ZNF7: variants seen among roughly 807,000 people sequenced by gnomAD.
ZNF7 encodes the protein C2-H2 type zinc finger protein.
Under a neutral mutation model 12.0 loss-of-function variants are expected in ZNF7, and 10 were observed. The ratio of observed to expected loss-of-function variants is 0.83; its 90% CI spans 0.51 to 1.42. The LOEUF (loss-of-function observed/expected upper bound fraction) is 1.42. ZNF7 is among the 40% of genes most tolerant of loss of function. ZNF7 has a pLI of 0.00. For missense variants in ZNF7, 854 were observed against 837.2 expected (o/e 1.02, Z -0.25); for synonymous variants, 334 against 295.0 (o/e 1.13, Z -1.35).
chr8:144,841,261 C>G lies in ZNF7; in HGVS notation c.248-94C>G, dbSNP rs947624527. On this transcript the variant is annotated intron_variant, in intron 4 of 4. Coordinates refer to ENST00000532777, the MANE Select transcript of ZNF7 (RefSeq NM_003416.4). ...GCCTCACAGTGCTCAGTGCAACTAT[C>G]CTGGGAGCCTTGAGCCCTGGCCCCC... 3.8e-6 allele frequency: 5 copies of G among 1,310,920 alleles called. No individual in the cohort carries two copies. In the African/African-American group the frequency reaches 7.3e-5, roughly 19 times the overall value. 81.2% of individuals were successfully genotyped at this position (1,310,920 alleles called of 1,614,324 possible).
chr8:144,832,930 TCA>T (rs1207986936), intron 3 of ZNF7, among the ~76,000 whole-genome samples: 2 of 152,068 alleles, frequency 1.3e-5, no homozygotes, highest in Non-Finnish European at 2.9e-5. Context: ...GCTCGGTGGC[TCA>T]CACCTGTAAT....
chr8:144,837,588 G>A, intron 4 of ZNF7, 81 bp downstream of exon 4: 1 of 1,094,788 alleles, frequency 9.1e-7, no homozygotes, highest in Non-Finnish European at 1.3e-6. Flanking sequence ...GGGTAGCTGT[G>A]GGTGAGTCGC....
At position 144,837,246 on chromosome 8, in the gene ZNF7, C is replaced by T. The variant is rs1586810547; in HGVS notation, c.131-145C>T. 20 of 612,152 alleles carry T rather than the reference C, an allele frequency of 3.3e-5. No homozygotes were observed. The East Asian group carries it at 4.1e-4, about 13-fold the overall frequency. 37.9% of individuals were successfully genotyped at this position (612,152 alleles called of 1,614,324 possible). ...CTGCTGTGTCCCCAGATTCTCCCCA[C>T]CCTCCACCCACTCTCCCTGCAGGAG... On this transcript the variant is annotated intron_variant, in intron 3 of 4. Coordinates refer to ENST00000532777, the MANE Select transcript of ZNF7 (RefSeq NM_003416.4).
downstream of ZNF7, chr8:144,846,408 TTGAC>T (rs1230675093): frequency 9.7e-6 from 5 of 513,162 alleles, no homozygotes; most frequent in African/African-American, 1.9e-5. Flanking sequence ...AAAATCGAAT[TTGAC>T]TGTGCACAGT....
chr8:144,838,862 AGCCC>A, intron 4 of ZNF7: 5 of 36,216 alleles, frequency 1.4e-4, no homozygotes, highest in Non-Finnish European at 4.1e-4. Context: ...GAATGGTGTG[AGCCC>A]AGGAGGCAGA....
At chr8:144,833,685 CTTTG>C (rs1828697157) in intron 3 of ZNF7, 2 of 151,512 alleles carry the variant, frequency 1.3e-5, no homozygotes, top group South Asian at 2.1e-4. Context: ...GCCAGTTTGG[CTTTG>C]TTTTTTATTT....
chr8:144,837,865 C>T (rs1442471139), intron 4 of ZNF7: 4 of 544,098 alleles, frequency 7.4e-6, no homozygotes, highest in Non-Finnish European at 1.3e-5. Context: ...CATTCAGTAA[C>T]CTCTCCTCGG....
At position 144,829,099 on chromosome 8, in the gene ZNF7, C is replaced by T; in HGVS notation, c.3+9C>T. The T allele has an allele frequency of 6.2e-7, 1 of 1,614,004 alleles. No homozygotes were observed. Among genetic ancestry groups the T allele is most frequent in the Non-Finnish European group, 8.5e-7 (1 of 1,179,954 alleles). On this transcript the variant is annotated intron_variant, in intron 2 of 4. Transcript: ENST00000532777. ...CACCACTGAGCCTCATGGTAGGAAGCTTGACTGCCTCCTTCCCCTCGCATG... is the reference window on the plus strand; with the variant it reads ...CACCACTGAGCCTCATGGTAGGAAGTTTGACTGCCTCCTTCCCCTCGCATG...
intron 4 of ZNF7, among the ~76,000 whole-genome samples, chr8:144,840,674 C>T (rs1329264182): frequency 6.6e-6 from 1 of 152,126 alleles, no homozygotes; most frequent in Non-Finnish European, 1.5e-5. Context: ...CTCCTGGGGG[C>T]CTCCAGAAAC....
chr8:144,837,199 G>A, intron 3 of ZNF7, 192 bp from the exon 4 acceptor site: 1 of 444,214 alleles, frequency 2.3e-6, no homozygotes, highest in Non-Finnish European at 4.1e-6. Flanking sequence ...CACAGGAGGT[G>A]GACAGATCTG....
At chr8:144,834,858 A>C (rs1400729568) in intron 3 of ZNF7, 1 of 150,928 alleles carries the variant, frequency 6.6e-6, no homozygotes, top group African/African-American at 2.4e-5. Flanking sequence ...CTCCTGCCTC[A>C]GCCTCCCGAG....
intron 4 of ZNF7, among the ~76,000 whole-genome samples, chr8:144,840,610 C>G (rs749218594): frequency 3.3e-5 from 5 of 152,160 alleles, no homozygotes; most frequent in Non-Finnish European, 5.9e-5. Flanking sequence ...CAGAGTAGGA[C>G]AGAAGCCTGT....
chr8:144,834,815 A>G (rs577413572), intron 3 of ZNF7: 101 of 146,950 alleles, frequency 6.9e-4, no homozygotes, highest in African/African-American at 2.5e-3. Context: ...ATCTCGGCTC[A>G]CTGCAAGCTC....
chr8:144,827,870 C>A (rs370541053), intron 1 of ZNF7: 1 of 192,082 alleles, frequency 5.2e-6, no homozygotes, highest in African/African-American at 2.4e-5. Context: ...GTGGCGGCCA[C>A]GGTGTCCGGG....
At chr8:144,833,262 A>G (rs1411611303) in intron 3 of ZNF7, among the ~76,000 whole-genome samples, 2 of 149,984 alleles carry the variant, frequency 1.3e-5, no homozygotes, top group South Asian at 2.1e-4. Flanking sequence ...ATTTTCATCT[A>G]TGAAATGGGA....
downstream of ZNF7, among the ~76,000 whole-genome samples, chr8:144,844,522 AAC>A (rs1294732620): frequency 6.6e-6 from 1 of 151,710 alleles, no homozygotes; most frequent in Non-Finnish European, 1.5e-5. Flanking sequence ...CATCCTGGCT[AAC>A]ACAGTGAAAC....
At position 144,842,123 on chromosome 8, in the gene ZNF7, G is replaced by A; in HGVS notation, c.1016G>A (p.Cys339Tyr). The change falls in exon 5 of 5, where the codon TGT (cysteine) becomes TAT (tyrosine). Residue 339 changes from cysteine (C) to tyrosine (Y), a missense_variant. By Grantham distance (194) the Cys-to-Tyr change is radical. Transcript: ENST00000532777. ...GAGAGGCCCTATGGTTGTCGTGAGT[G>A]TGGGAAAGCCTTCAGCCAGCAGTCG... ...TGERPYGCRE[C>Y]GKAFSQQSQL... 1.2e-6 allele frequency: 2 copies of A among 1,614,150 alleles called. No homozygotes were observed. The highest frequency in any genetic ancestry group is 1.7e-6 in the Non-Finnish European group (2 of 1,180,028).
chr8:144,828,998 G>A, intron 1 of ZNF7, 45 bp from the exon 2 acceptor site: 1 of 1,599,356 alleles, frequency 6.3e-7, no homozygotes, highest in Non-Finnish European at 8.5e-7. Context: ...CTGGAAGTTG[G>A]GCTTCTGGCA....
At chr8:144,834,714 GATATAT>G (rs148220625) in intron 3 of ZNF7, 1 of 148,082 alleles carries the variant, frequency 6.8e-6, no homozygotes, top group Admixed American at 6.7e-5. Context: ...AAGTGAAATG[GATATAT>G]ATATATATGT....
Sources: gnomAD v4.1 joint callset for allele counts (sites outside exome capture counted in the v4.1 genomes callset) on GRCh38, gnomAD v4.1.1 for gene constraint, MANE v1.5 for transcripts, NCBI Gene and HGNC (gene_info 2026-07-23, HGNC 2026-07-21) for gene names.